The following ARHGEF38 variants were observed in gnomAD, a reference collection of about 807,000 sequenced individuals.
ARHGEF38 encodes the protein Rho guanine nucleotide exchange factor 38.
Under a neutral mutation model 79.9 loss-of-function variants are expected in ARHGEF38, and 79 were observed. The ratio of observed to expected loss-of-function variants is 0.99; its 90% CI spans 0.82 to 1.19. The LOEUF is 1.19. Ranked by LOEUF, ARHGEF38 falls within the 50% of genes most tolerant of loss-of-function variation. The probability of loss-of-function intolerance (pLI) is 0.00; values close to 1 mark genes in which losing one functional copy is unlikely to be tolerated. For missense variants in ARHGEF38, 962 were observed against 907.2 expected, an observed-to-expected ratio of 1.06 and a Z score of -0.78; for synonymous variants, 366 against 328.3, an observed-to-expected ratio of 1.11 and a Z score of -1.24.
At chr4:105,655,745 T>C (rs1317337263) in intron 9 of ARHGEF38, 23 bp downstream of exon 9, 1 of 1,529,478 alleles carries the variant, frequency 6.5e-7, no homozygotes, top group South Asian at 1.2e-5. Context: ...TATTCACAGA[T>C]AAATGCAAAT....
intron 7 of ARHGEF38, among the ~76,000 whole-genome samples, chr4:105,653,264 AT>A (rs1311670037): frequency 3.3e-5 from 5 of 151,568 alleles, no homozygotes; most frequent in African/African-American, 1.2e-4. Context: ...CAGAAGGACT[AT>A]TTTTGCTAAG....
intron 2 of ARHGEF38, among the ~76,000 whole-genome samples, chr4:105,591,591 G>T (rs764365057): frequency 6.6e-6 from 1 of 152,148 alleles, no homozygotes; most frequent in Non-Finnish European, 1.5e-5. Flanking sequence ...ATAGGTCAAG[G>T]CACTTCTGAC....
intron 1 of ARHGEF38, among the ~76,000 whole-genome samples, chr4:105,578,527 T>A (rs1354015906): frequency 1.3e-5 from 2 of 152,152 alleles, no homozygotes; most frequent in Non-Finnish European, 2.9e-5. Flanking sequence ...GAGTATTGAA[T>A]TTTCCCACTA....
At chr4:105,647,913 A>G (rs1296232240) in intron 6 of ARHGEF38, among the ~76,000 whole-genome samples, 8 of 140,432 alleles carry the variant, frequency 5.7e-5, no homozygotes, top group Non-Finnish European at 1.1e-4. Context: ...TTTTTGAGAC[A>G]GAGTCTTGCT....
In ARHGEF38 at chr4:105,569,117, T is replaced by C. The variant is rs1023265603; in HGVS notation, c.196+16156T>C. ...ATTTTACAAGTAATAATAAGCTGTG[T>C]ACTTTAGCAGGACACAGCTGTTTAA... On this transcript the variant is annotated intron_variant, in intron 1 of 13. Transcript: ENST00000420470. Among the ~76,000 whole-genome samples the C allele has an allele frequency of 3.3e-5, 5 of 152,362 alleles. No homozygotes were observed. The South Asian group carries it at 8.3e-4, about 25-fold the overall frequency.
chr4:105,667,231 G>A lies in ARHGEF38; in HGVS notation c.1792G>A (p.Glu598Lys), dbSNP rs760790530. 3 of 1,536,042 alleles carry A rather than the reference G, an allele frequency of 2.0e-6. No individual in the cohort carries two copies. The African/African-American group carries it at 4.1e-5, about 21-fold the overall frequency. The change falls in exon 12 of 14, where the codon GAA (glutamate) becomes AAA (lysine). Residue 598 changes from glutamate (E) to lysine (K), a missense_variant. Physicochemically the swap from Glu to Lys is moderately conservative, Grantham distance 56. Coordinates refer to ENST00000420470, the MANE Select transcript of ARHGEF38 (RefSeq NM_001242729.2). ...TAAGCGCAAGTGCAATGCTACACAA[G>A]AATATGACATCAATCTTCTGGAAGG... Reference protein sequence around the residue: ...QAKRKCNATQEYDINLLEGDL... With the variant: ...QAKRKCNATQKYDINLLEGDL...
chr4:105,672,583 G>A (rs1418094638), intron 13 of ARHGEF38, among the ~76,000 whole-genome samples: 1 of 152,188 alleles, frequency 6.6e-6, no homozygotes, highest in South Asian at 2.1e-4. Context: ...GGCATGCTCT[G>A]CATTAGTGTT....
chr4:105,604,194 A>T (rs1727944067), intron 2 of ARHGEF38, among the ~76,000 whole-genome samples: 1 of 152,158 alleles, frequency 6.6e-6, no homozygotes, highest in African/African-American at 2.4e-5. Flanking sequence ...AAGGGAAACC[A>T]TTGGAAATTT....
Position 105,667,232 on chromosome 4 carries a change from A to G in ARHGEF38, c.1793A>G (p.Glu598Gly). The change falls in exon 12 of 14, where the codon GAA (glutamate) becomes GGA (glycine). Residue 598 changes from glutamate (E) to glycine (G), a missense_variant. Transcript: ENST00000420470. The stretch of plus-strand genomic sequence containing the variant: ...AAGCGCAAGTGCAATGCTACACAAG[A>G]ATATGACATCAATCTTCTGGAAGGA... ...QAKRKCNATQEYDINLLEGDL... is the reference protein window; with the variant it reads ...QAKRKCNATQGYDINLLEGDL... The G allele has an allele frequency of 6.5e-7, 1 of 1,536,204 alleles. No individual in the cohort carries two copies. Among genetic ancestry groups the G allele is most frequent in the African/African-American group, 1.4e-5 (1 of 73,184 alleles).
In ARHGEF38 at chr4:105,677,960, T is replaced by G. The variant is rs1731180901; in HGVS notation, c.*23T>G. 6.8e-7 allele frequency: 1 copy of G among 1,472,766 alleles called. No individual in the cohort carries two copies. The highest frequency in any genetic ancestry group is 2.3e-5 in the Admixed American group (1 of 43,676). The allele number at this position is 1,472,766 out of a possible 1,614,324, so 91.2% of individuals were successfully genotyped here. On this transcript the variant is annotated 3_prime_UTR_variant, in exon 14 of 14. Coordinates refer to ENST00000420470, the MANE Select transcript of ARHGEF38 (RefSeq NM_001242729.2). ...TAAGAAAATAAGCCTTCAACTTTTA[T>G]TTTCCAGCAAGTTGTTGATTGACTA...
chr4:105,664,719 C>A (rs904459163), intron 10 of ARHGEF38, among the ~76,000 whole-genome samples: 2 of 152,108 alleles, frequency 1.3e-5, no homozygotes, highest in African/African-American at 4.8e-5. Context: ...GAAATAGTGC[C>A]TTGCCCTGGG....
chr4:105,619,573 A>G (rs1728656523), intron 3 of ARHGEF38, among the ~76,000 whole-genome samples: 2 of 152,104 alleles, frequency 1.3e-5, no homozygotes, highest in African/African-American at 4.8e-5. Flanking sequence ...TTCAACTCAA[A>G]TGGTGAGGGA....
At chr4:105,654,874 G>A (rs186845771) in intron 8 of ARHGEF38, among the ~76,000 whole-genome samples, 1 of 152,106 alleles carries the variant, frequency 6.6e-6, no homozygotes, top group Non-Finnish European at 1.5e-5. Context: ...TTACTAAATT[G>A]TCCCCTTCTA....
chr4:105,581,321 G>C (rs558880548), intron 1 of ARHGEF38, among the ~76,000 whole-genome samples: 147 of 152,216 alleles, frequency 9.7e-4, no homozygotes, highest in African/African-American at 3.5e-3. Flanking sequence ...CTCAGGAATA[G>C]CATCTTTCAA....
At chr4:105,644,791 G>A (rs1206640959) in intron 5 of ARHGEF38, among the ~76,000 whole-genome samples, 3 of 152,096 alleles carry the variant, frequency 2.0e-5, no homozygotes, top group Non-Finnish European at 4.4e-5. Flanking sequence ...ATTTTTAAAT[G>A]GTTATTCTCC....
intron 13 of ARHGEF38, among the ~76,000 whole-genome samples, chr4:105,671,314 GAA>G (rs1264255048): frequency 6.6e-6 from 1 of 152,130 alleles, no homozygotes; most frequent in Admixed American, 6.5e-5. Context: ...CCTGTGCAGG[GAA>G]AAAGTCTGTC....
intron 10 of ARHGEF38, among the ~76,000 whole-genome samples, chr4:105,660,966 C>T (rs912518752): frequency 2.6e-5 from 4 of 152,150 alleles, no homozygotes; most frequent in Non-Finnish European, 5.9e-5. Context: ...CCTAAAGGAA[C>T]CCTGTACCCA....
intron 10 of ARHGEF38, among the ~76,000 whole-genome samples, chr4:105,665,186 A>C (rs1370269114): frequency 6.6e-6 from 1 of 151,796 alleles, no homozygotes; most frequent in African/African-American, 2.4e-5. Context: ...AATTATTATT[A>C]TTATTATTTT....
chr4:105,631,230 C>G, intron 4 of ARHGEF38, 185 bp downstream of exon 4: 6 of 1,250,124 alleles, frequency 4.8e-6, no homozygotes, highest in Non-Finnish European at 6.0e-6. Flanking sequence ...TTTTTTCCCC[C>G]TGCGAGAATG....
Sources: gnomAD v4.1 joint callset for allele counts (sites outside exome capture counted in the v4.1 genomes callset) on GRCh38, gnomAD v4.1.1 for gene constraint, MANE v1.5 for transcripts, NCBI Gene and HGNC (gene_info 2026-07-23, HGNC 2026-07-21) for gene names.